Variants in TTC6 observed in about 807,000 individuals in gnomAD.
TTC6 encodes the protein tetratricopeptide repeat domain 6.
In TTC6, 172 loss-of-function variants were observed where a neutral mutation model predicts 210.4. That is an observed-to-expected ratio of 0.82 (90% CI 0.72 to 0.93). The LOEUF is 0.93. TTC6 is among the 40% of genes least tolerant of loss of function. The pLI, the probability that TTC6 is intolerant of heterozygous loss-of-function variation, is 0.00. For synonymous variants in TTC6, 804 were observed against 819.6 expected (o/e 0.98, Z 0.32); for missense variants, 2,414 against 2,318.1 (o/e 1.04, Z -0.85).
Position 37,734,918 on chromosome 14 carries a change from C to A in TTC6, c.1819-1003C>A, listed in dbSNP as rs1414838246. On this transcript the variant is annotated intron_variant, in intron 7 of 30. Transcript: ENST00000553443. The stretch of plus-strand genomic sequence containing the variant: ...TGTCCTTATTGTTGTTAAAAGCATT[C>A]TTTTAAATATGTAATATCTGCTATT... Among the ~76,000 whole-genome samples the A allele has an allele frequency of 2.6e-5, 4 of 152,046 alleles. No homozygotes were observed. The East Asian group carries it at 7.7e-4, about 29-fold the overall frequency.
At chr14:37,826,063 T>G in intron 27 of TTC6, 132 bp from the exon 30 acceptor site, 1 of 914,446 alleles carries the variant, frequency 1.1e-6, no homozygotes, top group South Asian at 2.6e-5. Flanking sequence ...TACTTTCTGG[T>G]TTGAAAGAAC....
At chr14:37,628,572 T>A (rs1211956953) in intron 1 of TTC6, among the ~76,000 whole-genome samples, 1 of 152,194 alleles carries the variant, frequency 6.6e-6, no homozygotes, top group Non-Finnish European at 1.5e-5. Flanking sequence ...TTCTTTCTGA[T>A]GATAGTTTGT....
chr14:37,826,351 A>T lies in TTC6; in HGVS notation c.5127+4A>T. On this transcript the variant is annotated splice_donor_region_variant and intron_variant, in intron 28 of 30. Transcript: ENST00000553443. The stretch of plus-strand genomic sequence containing the variant: ...GGATATTAATGCTGCCATGAAGGTA[A>T]AAACCATCTTAGATTATATTATTAT... The T allele has an allele frequency of 6.3e-7, 1 of 1,593,018 alleles. No homozygotes were observed. Among genetic ancestry groups the T allele is most frequent in the Non-Finnish European group, 8.5e-7 (1 of 1,172,198 alleles).
At chr14:37,787,967 C>A (rs1481277579) in intron 15 of TTC6, among the ~76,000 whole-genome samples, 1 of 150,722 alleles carries the variant, frequency 6.6e-6, no homozygotes, top group Non-Finnish European at 1.5e-5. Context: ...GAATCTCTTT[C>A]TATAATATAC....
exon 25 of TTC6, chr14:37,812,420 G>A: frequency 6.2e-7 from 1 of 1,606,218 alleles, no homozygotes; most frequent in Non-Finnish European, 8.5e-7. Flanking sequence ...GGCCAGTATG[G>A]CTTTGCACTA....
chr14:37,834,866 G>C (rs1185431069), intron 29 of TTC6, among the ~76,000 whole-genome samples: 2 of 152,106 alleles, frequency 1.3e-5, no homozygotes, highest in Non-Finnish European at 2.9e-5. Flanking sequence ...TATAAAGTGA[G>C]TTGAATAGGG....
At chr14:37,642,771 T>C (rs2095694404) in intron 1 of TTC6, among the ~76,000 whole-genome samples, 1 of 152,200 alleles carries the variant, frequency 6.6e-6, no homozygotes, top group African/African-American at 2.4e-5. Flanking sequence ...ACTACACACC[T>C]AGACTGTGTG....
At chr14:37,694,987 A>C (rs566117466) in intron 3 of TTC6, among the ~76,000 whole-genome samples, 1 of 142,494 alleles carries the variant, frequency 7.0e-6, no homozygotes, top group South Asian at 2.3e-4. Context: ...GCTGCAGTGC[A>C]TTGTGATCAT....
At chr14:37,601,848 G>A (rs1464396923) in intron 1 of TTC6, among the ~76,000 whole-genome samples, 1 of 152,210 alleles carries the variant, frequency 6.6e-6, no homozygotes, top group African/African-American at 2.4e-5. Context: ...ACTTTTCCTC[G>A]CTGTAGAAAG....
intron 28 of TTC6, among the ~76,000 whole-genome samples, chr14:37,826,584 G>A (rs955619253): frequency 6.6e-6 from 1 of 151,856 alleles, no homozygotes. Context: ...CAGTAAATAC[G>A]CTTTATACTT....
At chr14:37,640,424 T>C (rs1446881240) in intron 1 of TTC6, among the ~76,000 whole-genome samples, 2 of 152,230 alleles carry the variant, frequency 1.3e-5, no homozygotes, top group African/African-American at 4.8e-5. Flanking sequence ...TTTTTCTGGC[T>C]ATTTCAGGTA....
At chr14:37,783,359 G>A (rs1378502424) in intron 14 of TTC6, among the ~76,000 whole-genome samples, 2 of 152,194 alleles carry the variant, frequency 1.3e-5, no homozygotes, top group African/African-American at 4.8e-5. Flanking sequence ...TTAGTCTTGG[G>A]AGGGTGTATG....
intron 29 of TTC6, among the ~76,000 whole-genome samples, chr14:37,828,968 A>G (rs993245708): frequency 6.6e-6 from 1 of 151,988 alleles, no homozygotes; most frequent in Non-Finnish European, 1.5e-5. Flanking sequence ...TCATGTATAG[A>G]TATTTATACC....
At chr14:37,691,291 C>T (rs2095803140) in intron 3 of TTC6, among the ~76,000 whole-genome samples, 1 of 152,134 alleles carries the variant, frequency 6.6e-6, no homozygotes, top group African/African-American at 2.4e-5. Context: ...GATTGTGCCA[C>T]TGCACTACAG....
chr14:37,741,254 C>G (rs1181490166), intron 10 of TTC6, among the ~76,000 whole-genome samples: 1 of 125,334 alleles, frequency 8.0e-6, no homozygotes, highest in Non-Finnish European at 1.6e-5. Flanking sequence ...TGTTCCTATA[C>G]TTTGAGACTT....
chr14:37,694,856 A>G (rs1386818972), intron 3 of TTC6, among the ~76,000 whole-genome samples: 1 of 151,990 alleles, frequency 6.6e-6, no homozygotes, highest in Non-Finnish European at 1.5e-5. Flanking sequence ...AGACTGGAAA[A>G]CATGGCAAAA....
In TTC6 at chr14:37,684,085, C is replaced by G. The variant is rs553702710; in HGVS notation, c.1257+1121C>G. On this transcript the variant is annotated intron_variant, in intron 3 of 30. Transcript: ENST00000553443. ...CAATTTTTGCCCGAGACTCCCAACT[C>G]TGAAACCTGGGATTTGTCTGTGGCC... 2.2e-4 allele frequency among the ~76,000 whole-genome samples: 33 copies of G among 152,244 alleles called. No homozygotes were observed. The South Asian group carries it at 6.4e-3, about 30-fold the overall frequency.
At chr14:37,814,804 A>G (rs2096137747) in intron 25 of TTC6, among the ~76,000 whole-genome samples, 1 of 152,228 alleles carries the variant, frequency 6.6e-6, no homozygotes, top group Non-Finnish European at 1.5e-5. Flanking sequence ...GCAATGAAAT[A>G]TATAAGACTG....
intron 1 of TTC6, among the ~76,000 whole-genome samples, chr14:37,634,010 A>C (rs1336761537): frequency 6.6e-6 from 1 of 152,222 alleles, no homozygotes; most frequent in East Asian, 1.9e-4. Flanking sequence ...AGAAAGTCAA[A>C]GTAATATCCA....
Sources: allele counts gnomAD v4.1 joint callset (sites outside exome capture counted in the v4.1 genomes callset), GRCh38; gene constraint gnomAD v4.1.1; transcripts MANE v1.5; gene names NCBI Gene and HGNC (gene_info 2026-07-23, HGNC 2026-07-21).